NOL12: variants seen among roughly 807,000 people sequenced by gnomAD.
NOL12 encodes nucleolar protein 12.
A neutral mutation model predicts 25.2 loss-of-function variants in NOL12; 21 were observed. That is an observed-to-expected ratio of 0.83 (90% CI 0.59 to 1.20). NOL12 has a LOEUF of 1.20. Ranked by LOEUF, NOL12 falls within the 50% of genes most tolerant of loss-of-function variation. NOL12 has a pLI of 0.00. For synonymous variants in NOL12, 133 were observed against 113.8 expected (o/e 1.17, Z -1.08); for missense variants, 286 against 287.6 (o/e 0.99, Z 0.04).
At position 37,686,423 on chromosome 22, in the gene NOL12, G is replaced by A; in HGVS notation, c.31G>A (p.Gly11Ser). 6.2e-7 allele frequency: 1 copy of A among 1,605,978 alleles called. No homozygotes were observed. Among genetic ancestry groups the A allele is most frequent in the South Asian group, 1.1e-5 (1 of 89,758 alleles). Reference protein sequence around the residue: MGRNKKKKRDGDDRRPRLVLS... With the variant: MGRNKKKKRDSDDRRPRLVLS... ...CCGCAACAAGAAGAAGAAGCGAGAT[G>A]GTGACGACCGGCGGCCGAGGCTCGT... The change falls in exon 1 of 6, where the codon GGT (glycine) becomes AGT (serine). Residue 11 changes from glycine to serine, a missense_variant. Physicochemically the swap from Gly to Ser is moderately conservative, Grantham distance 56 (BLOSUM62 0). Coordinates refer to ENST00000359114, the MANE Select transcript of NOL12 (RefSeq NM_024313.3).
At position 37,686,373 on chromosome 22, in the gene NOL12, A is replaced by C. The variant is rs777769409; in HGVS notation, c.-20A>C. 6.3e-7 allele frequency: 1 copy of C among 1,583,820 alleles called. No individual in the cohort carries two copies. Among genetic ancestry groups the C allele is most frequent in the Non-Finnish European group, 8.6e-7 (1 of 1,168,440 alleles). On this transcript the variant is annotated 5_prime_UTR_variant, in exon 1 of 6. Coordinates refer to ENST00000359114, the MANE Select transcript of NOL12 (RefSeq NM_024313.3). ...ACCCGGAAGTGTCTTCAGGGAGAGGAAGCCGGCGGCCTCACTGCTATGGGC... is the reference window on the plus strand; with the variant it reads ...ACCCGGAAGTGTCTTCAGGGAGAGGCAGCCGGCGGCCTCACTGCTATGGGC...
rs1008331470 is a variant in NOL12 at position 37,691,327 on chromosome 22, C to T, written c.633C>T (p.Ser211=). The part of the protein sequence containing the change: ...RRRLTGKARH[S]GE ...GTCTCACAGGCAAAGCACGGCACAG[C>T]GGGGAGTGAGACCGAGAACGAAGCG... Residue 211 remains serine (S), a synonymous_variant, in exon 6 of 6, where the codon AGC becomes AGT. Transcript: ENST00000359114. 28 of 1,608,776 alleles carry T rather than the reference C, an allele frequency of 1.7e-5. No individual in the cohort carries two copies. Among genetic ancestry groups the T allele is most frequent in the Admixed American group, 6.8e-5 (4 of 59,062 alleles).
chr22:37,691,270 G>T lies in NOL12; in HGVS notation c.576G>T (p.Arg192Ser). The T allele has an allele frequency of 6.2e-7, 1 of 1,614,052 alleles. No individual in the cohort carries two copies. The highest frequency in any genetic ancestry group is 8.5e-7 in the Non-Finnish European group (1 of 1,179,982). Residue 192 changes from arginine to serine, a missense_variant, in exon 6 of 6, where the codon AGG (arginine) becomes AGT (serine). By Grantham distance (110) the Arg-to-Ser change is moderately radical. Transcript: ENST00000359114. ...CCCAGGACTCCAAAAAGCCCCCAAG[G>T]GCCCCTCGTACCAGCAAGGCCCAGC... ...RRAQDSKKPP[R>S]APRTSKAQRR...
Position 37,688,336 on chromosome 22 carries a change from C to T in NOL12, c.214C>T (p.Leu72=), listed in dbSNP as rs1297616339. ...EERHQEYLKM[L]AEREEALEEA... ...GCGCCACCAGGAATACTTGAAGATG[C>T]TGGCAGAGAGAGAAGAGGCTCTGGG... is the stretch of plus-strand genomic sequence containing the variant. Residue 72 remains leucine, a synonymous_variant, in exon 3 of 6, where the codon CTG becomes TTG. Coordinates refer to ENST00000359114, the MANE Select transcript of NOL12 (RefSeq NM_024313.3). 3 of 1,614,176 alleles carry T rather than the reference C, an allele frequency of 1.9e-6. No individual in the cohort carries two copies. Among genetic ancestry groups the T allele is most frequent in the Non-Finnish European group, 2.5e-6 (3 of 1,180,012 alleles).
In NOL12 at chr22:37,692,735, TGG is replaced by T. The variant is rs1382196314; in HGVS notation, c.*1403_*1404del. 1.0e-5 allele frequency: 4 copies of T among 398,522 alleles called. No individual in the cohort carries two copies. The highest frequency in any genetic ancestry group is 1.3e-5 in the Non-Finnish European group (3 of 226,340). 24.7% of individuals were successfully genotyped at this position (398,522 alleles called of 1,614,324 possible). ...CGCCCTGATGTGGGAGCTCCTGGAG[TGG>T]GGGTGAGCAGTGAGCCAGGGTCTGC... On this transcript the variant is annotated 3_prime_UTR_variant, in exon 6 of 6. Transcript: ENST00000359114.
chr22:37,688,477 T>G, intron 3 of NOL12, 117 bp downstream of exon 3: 25 of 1,082,690 alleles, frequency 2.3e-5, no homozygotes, highest in South Asian at 6.6e-5. Flanking sequence ...GGGGGTACCC[T>G]GGGGCCAGGG....
At chr22:37,691,133 C>G (rs1216067721) in intron 5 of NOL12, 41 bp from the exon 6 acceptor site, 1 of 1,563,624 alleles carries the variant, frequency 6.4e-7, no homozygotes, top group East Asian at 2.3e-5. Flanking sequence ...TGAGTCACCC[C>G]ACAATGCAAT....
chr22:37,689,805 T>C (rs1262842245), intron 4 of NOL12, among the ~76,000 whole-genome samples: 2 of 151,304 alleles, frequency 1.3e-5, no homozygotes, highest in Non-Finnish European at 2.9e-5. Context: ...AGGCGGGCGT[T>C]ATCACCTGGG....
chr22:37,690,851 CTGGCCCTTAGGG>C, intron 5 of NOL12, 57 bp downstream of exon 5: 1 of 1,326,684 alleles, frequency 7.5e-7, no homozygotes, highest in Non-Finnish European at 1.1e-6. Context: ...CAGTAGTGAC[CTGGCCCTTAGGG>C]TGGTGTGGAG....
chr22:37,686,554 C>T, intron 1 of NOL12, 79 bp downstream of exon 1: 1 of 1,434,390 alleles, frequency 7.0e-7, no homozygotes, highest in South Asian at 1.5e-5. Context: ...AGCACGCTCC[C>T]GCCGGGGGCT....
In NOL12 at chr22:37,688,841, C is replaced by G; in HGVS notation, c.239-9C>G. ...GTGACTGAGACCAGGTCTGTGTCCA[C>G]CCCCACAGAGGAGGCAGATGAGCTG... On this transcript the variant is annotated splice_polypyrimidine_tract_variant and intron_variant, in intron 3 of 5. Transcript: ENST00000359114. 1.2e-6 allele frequency: 2 copies of G among 1,613,740 alleles called. No individual in the cohort carries two copies.
chr22:37,690,914 T>G, intron 5 of NOL12, 120 bp downstream of exon 5: 1 of 749,364 alleles, frequency 1.3e-6, no homozygotes, highest in Admixed American at 2.6e-5. Flanking sequence ...TGTCCAGTGA[T>G]CCTCTGCCTC....
intron 4 of NOL12, among the ~76,000 whole-genome samples, chr22:37,689,665 T>C (rs1921981095): frequency 6.6e-6 from 1 of 152,242 alleles, no homozygotes; most frequent in Non-Finnish European, 1.5e-5. Flanking sequence ...ACAATTACGA[T>C]ATAAAACACA....
intron 4 of NOL12, among the ~76,000 whole-genome samples, chr22:37,689,938 G>A (rs186653157): frequency 3.9e-5 from 6 of 152,276 alleles, no homozygotes; most frequent in South Asian, 2.1e-4. Flanking sequence ...TTGGGAGGCC[G>A]AGGCGGGCGA....
At position 37,691,210 on chromosome 22, in the gene NOL12, C is replaced by T. The variant is rs1294692706; in HGVS notation, c.516C>T (p.Ser172=). 2.5e-6 allele frequency: 4 copies of T among 1,613,682 alleles called. No individual in the cohort carries two copies. The highest frequency in any genetic ancestry group is 3.4e-6 in the Non-Finnish European group (4 of 1,179,870). The change falls in exon 6 of 6, where the codon AGC becomes AGT. Residue 172 remains serine, a synonymous_variant. Transcript: ENST00000359114. ...TCACAGCATCACTACATGCACACAG[C>T]CGCAAAAAGGTCAAGAGGAAACATC... ...SSLTASLHAH[S]RKKVKRKHPR... is the part of the protein sequence containing the mutation.
chr22:37,691,052 C>A, intron 5 of NOL12, 122 bp from the exon 6 acceptor site: 1 of 1,204,182 alleles, frequency 8.3e-7, no homozygotes, highest in Non-Finnish European at 1.2e-6. Flanking sequence ...TAGAGCAGGC[C>A]AACTCTGGCA....
chr22:37,692,589 A>G lies in NOL12; in HGVS notation c.*1253A>G, dbSNP rs1020924449. 1.3e-5 allele frequency: 5 copies of G among 398,584 alleles called. No individual in the cohort carries two copies. Among genetic ancestry groups the G allele is most frequent in the Non-Finnish European group, 2.2e-5 (5 of 226,146 alleles). 24.7% of individuals were successfully genotyped at this position (398,584 alleles called of 1,614,324 possible). On this transcript the variant is annotated 3_prime_UTR_variant, in exon 6 of 6. Coordinates refer to ENST00000359114, the MANE Select transcript of NOL12 (RefSeq NM_024313.3). ...AGAGGAGCTGTGTTGGGTCCTAAAC[A>G]CTAGGACCACAAAGGGGAGTGAACT...
intron 1 of NOL12, 69 bp downstream of exon 1, chr22:37,686,544 A>T (rs1921822915): frequency 6.9e-7 from 1 of 1,456,732 alleles, no homozygotes; most frequent in Non-Finnish European, 9.0e-7. Context: ...TCTGGGGCCG[A>T]GCACGCTCCC....
chr22:37,690,672 A>G, intron 4 of NOL12, 25 bp from the exon 5 acceptor site: 1 of 1,577,074 alleles, frequency 6.3e-7, no homozygotes, highest in Non-Finnish European at 8.7e-7. Context: ...TGCTCCATGT[A>G]AGTCATTGTC....
Sources: allele counts gnomAD v4.1 joint callset (sites outside exome capture counted in the v4.1 genomes callset), GRCh38; gene constraint gnomAD v4.1.1; transcripts MANE v1.5; gene names NCBI Gene and HGNC (gene_info 2026-07-23, HGNC 2026-07-21).